The following ASTN2 variants were observed in gnomAD, a reference collection of about 807,000 sequenced individuals.
ASTN2 encodes the protein astrotactin 2.
ASTN2 carries 54 observed loss-of-function variants against 139.8 expected under a neutral mutation model. The ratio of observed to expected loss-of-function variants is 0.39; its 90% CI spans 0.31 to 0.48. The LOEUF (loss-of-function observed/expected upper bound fraction) is 0.48. Ranked by LOEUF, ASTN2 falls within the 20% of genes least tolerant of loss-of-function variation. The pLI is 0.95. For missense variants in ASTN2, 1,565 were observed against 1,725.1 expected (o/e 0.91, Z 1.64); for synonymous variants, 756 against 719.5 (o/e 1.05, Z -0.81).
chr9:117,041,273 C>A (rs1451267576), intron 5 of ASTN2, among the ~76,000 whole-genome samples: 1 of 151,920 alleles, frequency 6.6e-6, no homozygotes, highest in Admixed American at 6.6e-5. Context: ...TACTGCTAGG[C>A]TCTTCTTTTA....
chr9:117,134,932 G>A (rs1165801292), intron 4 of ASTN2, among the ~76,000 whole-genome samples: 1 of 152,176 alleles, frequency 6.6e-6, no homozygotes, highest in African/African-American at 2.4e-5. Flanking sequence ...GGGCTCCTGA[G>A]GACATGGGAC....
chr9:117,106,440 C>T (rs1203211826), intron 4 of ASTN2, among the ~76,000 whole-genome samples: 1 of 151,930 alleles, frequency 6.6e-6, no homozygotes, highest in Non-Finnish European at 1.5e-5. Flanking sequence ...CAAGTGATAT[C>T]CACCCCCCTC....
At chr9:116,842,753 G>T in intron 11 of ASTN2, among the ~76,000 whole-genome samples, 1 of 137,818 alleles carries the variant, frequency 7.3e-6, no homozygotes, top group East Asian at 2.5e-4. Flanking sequence ...GGGGCGGGGG[G>T]AGGGCATGCA....
chr9:117,220,425 G>A (rs535080115), intron 2 of ASTN2, among the ~76,000 whole-genome samples: 4 of 152,086 alleles, frequency 2.6e-5, no homozygotes, highest in Non-Finnish European at 5.9e-5. Flanking sequence ...TCACTCACTC[G>A]ACCTGGAATC....
At chr9:117,117,787 A>G (rs2132805371) in intron 4 of ASTN2, among the ~76,000 whole-genome samples, 1 of 152,288 alleles carries the variant, frequency 6.6e-6, no homozygotes, top group South Asian at 2.1e-4. Flanking sequence ...CAGCTCTTCT[A>G]CGTTTCTATC....
At chr9:117,121,336 G>A (rs1236176468) in intron 4 of ASTN2, among the ~76,000 whole-genome samples, 4 of 152,172 alleles carry the variant, frequency 2.6e-5, no homozygotes, top group Admixed American at 1.3e-4. Flanking sequence ...ATGAAGAATC[G>A]GGGGTTCACT....
At chr9:116,521,740 T>C (rs1453649928) in intron 19 of ASTN2, among the ~76,000 whole-genome samples, 1 of 152,060 alleles carries the variant, frequency 6.6e-6, no homozygotes. Context: ...GAGAAAATCG[T>C]CACAATCCAT....
chr9:117,189,848 C>T (rs956842665), intron 3 of ASTN2, among the ~76,000 whole-genome samples: 1 of 152,160 alleles, frequency 6.6e-6, no homozygotes, highest in African/African-American at 2.4e-5. Flanking sequence ...GGTATCCTTT[C>T]CTAGACTAAT....
intron 10 of ASTN2, among the ~76,000 whole-genome samples, chr9:116,910,988 C>G (rs1239072479): frequency 6.6e-6 from 1 of 152,132 alleles, no homozygotes; most frequent in Non-Finnish European, 1.5e-5. Context: ...ACCAGAGGTA[C>G]CTGCCTTATA....
At chr9:117,150,661 A>T (rs980346828) in intron 3 of ASTN2, among the ~76,000 whole-genome samples, 3 of 152,170 alleles carry the variant, frequency 2.0e-5, no homozygotes, top group African/African-American at 7.2e-5. Context: ...GGATTAACTG[A>T]GATGCTAAAT....
intron 17 of ASTN2, among the ~76,000 whole-genome samples, chr9:116,644,200 A>G (rs568928105): frequency 6.6e-6 from 1 of 152,266 alleles, no homozygotes; most frequent in Non-Finnish European, 1.5e-5. Flanking sequence ...GTTATTTGGA[A>G]TTCTCTTCTC....
At chr9:116,542,249 A>C (rs1851906134) in intron 19 of ASTN2, among the ~76,000 whole-genome samples, 1 of 152,220 alleles carries the variant, frequency 6.6e-6, no homozygotes, top group South Asian at 2.1e-4. Context: ...CATATTGCTA[A>C]TTTGCCTTCA....
At chr9:116,967,100 A>G (rs1235960361) in intron 10 of ASTN2, among the ~76,000 whole-genome samples, 2 of 152,226 alleles carry the variant, frequency 1.3e-5, no homozygotes, top group Non-Finnish European at 1.5e-5. Context: ...TGAGGAGTCA[A>G]AATGAAAACA....
chr9:116,854,186 A>G (rs1237572432), intron 11 of ASTN2, among the ~76,000 whole-genome samples: 1 of 152,172 alleles, frequency 6.6e-6, no homozygotes, highest in African/African-American at 2.4e-5. Context: ...AGAAGCCTTG[A>G]ATCATAGCAA....
At chr9:116,936,083 A>ACAG in intron 10 of ASTN2, among the ~76,000 whole-genome samples, 1 of 262 alleles carries the variant, frequency 3.8e-3, no homozygotes, top group Non-Finnish European at 6.2e-3. Context: ...CACCATCACC[A>ACAG]CTACCACCAC....
intron 3 of ASTN2, among the ~76,000 whole-genome samples, chr9:117,193,639 C>CAAAA (rs61700943): frequency 2.5e-4 from 27 of 106,048 alleles, no homozygotes; most frequent in African/African-American, 6.7e-4. Context: ...ATTCAGTCAC[C>CAAAA]AAAAAAAAAA....
chr9:116,741,191 C>T (rs955932977), intron 13 of ASTN2, among the ~76,000 whole-genome samples: 1 of 152,172 alleles, frequency 6.6e-6, no homozygotes, highest in Non-Finnish European at 1.5e-5. Flanking sequence ...CATTAATACA[C>T]AGCAGCCAGC....
At chr9:117,171,665 C>A (rs1376783242) in intron 3 of ASTN2, among the ~76,000 whole-genome samples, 1 of 151,946 alleles carries the variant, frequency 6.6e-6, no homozygotes, top group Non-Finnish European at 1.5e-5. Flanking sequence ...TTACAAGGGG[C>A]TCTTCCCCCT....
intron 1 of ASTN2, among the ~76,000 whole-genome samples, chr9:117,362,166 G>T (rs1032300583): frequency 1.5e-4 from 23 of 152,258 alleles, no homozygotes; most frequent in African/African-American, 5.3e-4. Flanking sequence ...TAGAGACGGG[G>T]TTTTGCCATG....
Sources: allele counts gnomAD v4.1 joint callset (sites outside exome capture counted in the v4.1 genomes callset), GRCh38; gene constraint gnomAD v4.1.1; transcripts MANE v1.5; gene names NCBI Gene and HGNC (gene_info 2026-07-23, HGNC 2026-07-21).